The following ADCY5 variants were observed in gnomAD, a reference collection of about 807,000 sequenced individuals.
ADCY5 encodes adenylate cyclase 5.
ADCY5 carries 30 observed loss-of-function variants against 119.7 expected under a neutral mutation model. That is an observed-to-expected ratio of 0.25 (90% CI 0.19 to 0.34). The LOEUF (loss-of-function observed/expected upper bound fraction) is 0.34. Among genes scored for constraint, ADCY5 ranks in the 10% least tolerant of loss-of-function variants. The pLI, the probability that ADCY5 is intolerant of heterozygous loss-of-function variation, is 1.00. For missense variants in ADCY5, 1,324 were observed against 1,775.2 expected, an observed-to-expected ratio of 0.75 and a Z score of 4.57; for synonymous variants, 753 against 762.2, an observed-to-expected ratio of 0.99 and a Z score of 0.20.
chr3:123,381,413 A>G (rs1944025741), intron 1 of ADCY5, among the ~76,000 whole-genome samples: 1 of 152,230 alleles, frequency 6.6e-6, no homozygotes, highest in Admixed American at 6.5e-5. Context: ...CTCTCCCCAA[A>G]GACGTGGCTG....
At chr3:123,315,916 C>T (rs1169010268) in intron 11 of ADCY5, among the ~76,000 whole-genome samples, 1 of 152,106 alleles carries the variant, frequency 6.6e-6, no homozygotes, top group Non-Finnish European at 1.5e-5. Flanking sequence ...TGTGCGTCCA[C>T]ATCAGTACAG....
intron 8 of ADCY5, 119 bp from the exon 9 acceptor site, chr3:123,320,890 G>T: frequency 1.4e-6 from 1 of 736,816 alleles, no homozygotes; most frequent in Non-Finnish European, 2.4e-6. Context: ...CGTGGACATA[G>T]AGAGGATTGT....
At chr3:123,324,156 C>T (rs4678007) in intron 8 of ADCY5, among the ~76,000 whole-genome samples, 151,898 of 152,236 alleles carry the variant, frequency 1, 75,783 homozygotes, top group Middle Eastern at 1. Context: ...AATTCACTTT[C>T]CCTCCTGTAC....
chr3:123,435,440 G>A (rs1945591482), intron 1 of ADCY5, among the ~76,000 whole-genome samples: 1 of 152,162 alleles, frequency 6.6e-6, no homozygotes, highest in Non-Finnish European at 1.5e-5. Flanking sequence ...GGTCCCTGCA[G>A]ACTCCAGTAG....
chr3:123,382,403 A>T, intron 1 of ADCY5, among the ~76,000 whole-genome samples: 1 of 151,790 alleles, frequency 6.6e-6, no homozygotes, highest in East Asian at 1.9e-4. Context: ...TAGGATTCAG[A>T]AAGTCCACTT....
chr3:123,414,241 C>A (rs934975712), intron 1 of ADCY5, among the ~76,000 whole-genome samples: 1 of 152,210 alleles, frequency 6.6e-6, no homozygotes, highest in Non-Finnish European at 1.5e-5. Context: ...CTGCCAGCCC[C>A]TCTACACTCA....
In ADCY5 at chr3:123,386,130, G is replaced by C. The variant is rs568431514; in HGVS notation, c.1135-33549C>G. On this transcript the variant is annotated intron_variant, in intron 1 of 20. Coordinates refer to ENST00000462833, the MANE Select transcript of ADCY5 (RefSeq NM_183357.3). ...CCAGGCCAGGAGGAGGTCAGGAAAG[G>C]CTCAAAGGCATGAATGAGCCCGAAG... Among the ~76,000 whole-genome samples the C allele has an allele frequency of 1.5e-4, 23 of 152,304 alleles. No homozygotes were observed. In the South Asian group the frequency reaches 4.6e-3, roughly 30 times the overall value.
intron 1 of ADCY5, among the ~76,000 whole-genome samples, chr3:123,447,064 G>C (rs1945829424): frequency 6.6e-6 from 1 of 152,208 alleles, no homozygotes; most frequent in Non-Finnish European, 1.5e-5. Flanking sequence ...ACTTTCGTTA[G>C]GGGCCTTTTG....
intron 1 of ADCY5, among the ~76,000 whole-genome samples, chr3:123,365,569 C>T (rs1943407123): frequency 2.6e-5 from 4 of 152,136 alleles, no homozygotes; most frequent in South Asian, 2.1e-4. Flanking sequence ...AAGAGAGCTT[C>T]GGTTCCTAAT....
intron 1 of ADCY5, among the ~76,000 whole-genome samples, chr3:123,375,214 C>T (rs1232221550): frequency 1.3e-5 from 2 of 152,196 alleles, no homozygotes; most frequent in African/African-American, 2.4e-5. Context: ...ACGTGGAGGA[C>T]TCATTTATCT....
chr3:123,413,964 G>A (rs1361353612), intron 1 of ADCY5, among the ~76,000 whole-genome samples: 3 of 152,264 alleles, frequency 2.0e-5, no homozygotes, highest in Non-Finnish European at 4.4e-5. Flanking sequence ...CAGATGGGAC[G>A]ATGCAGAAAG....
chr3:123,288,391 T>C (rs1358571505), intron 19 of ADCY5, among the ~76,000 whole-genome samples: 1 of 152,220 alleles, frequency 6.6e-6, no homozygotes, highest in Non-Finnish European at 1.5e-5. Flanking sequence ...AGGGAGTTGA[T>C]AATGCATTAA....
intron 1 of ADCY5, among the ~76,000 whole-genome samples, chr3:123,385,205 CCT>C (rs1182176030): frequency 6.6e-6 from 1 of 152,122 alleles, no homozygotes; most frequent in African/African-American, 2.4e-5. Context: ...CAGAGGCCAC[CCT>C]GGAGCCAGAA....
In ADCY5 at chr3:123,413,541, T is replaced by C. The variant is rs185312062; in HGVS notation, c.1134+33871A>G. 2.4e-3 allele frequency among the ~76,000 whole-genome samples: 362 copies of C among 152,290 alleles called. 2 individuals carry two copies. The highest frequency in any genetic ancestry group is 4.4e-3 in the East Asian group (23 of 5,174). On this transcript the variant is annotated intron_variant, in intron 1 of 20. Coordinates refer to ENST00000462833, the MANE Select transcript of ADCY5 (RefSeq NM_183357.3). ...GAGGCCAGGTCAGGGGAGGATTCCGTATCCAGAGCTGCATAGGATCCCAGC... is the reference window on the plus strand; with the variant it reads ...GAGGCCAGGTCAGGGGAGGATTCCGCATCCAGAGCTGCATAGGATCCCAGC...
chr3:123,420,737 T>A (rs1217540811), intron 1 of ADCY5, among the ~76,000 whole-genome samples: 1 of 152,200 alleles, frequency 6.6e-6, no homozygotes, highest in African/African-American at 2.4e-5. Flanking sequence ...ACTAGTCTGC[T>A]AGGGCTACTG....
chr3:123,436,285 A>C (rs765485607), intron 1 of ADCY5, among the ~76,000 whole-genome samples: 35 of 152,006 alleles, frequency 2.3e-4, no homozygotes, highest in Non-Finnish European at 2.6e-4. Context: ...AGGTGGGAGG[A>C]TTGCTTGAGC....
At chr3:123,334,153 G>A (rs1019864745) in intron 3 of ADCY5, among the ~76,000 whole-genome samples, 1 of 152,184 alleles carries the variant, frequency 6.6e-6, no homozygotes, top group Admixed American at 6.5e-5. Context: ...CTCATGTACT[G>A]AGATGCTCCT....
At chr3:123,443,955 C>G (rs561851793) in intron 1 of ADCY5, among the ~76,000 whole-genome samples, 2 of 152,190 alleles carry the variant, frequency 1.3e-5, no homozygotes, top group African/African-American at 4.8e-5. Flanking sequence ...AAATGACCAC[C>G]CCACCCCACA....
chr3:123,434,770 T>C (rs958363368), intron 1 of ADCY5, among the ~76,000 whole-genome samples: 2 of 152,104 alleles, frequency 1.3e-5, no homozygotes, highest in African/African-American at 2.4e-5. Context: ...GCACCCAGGA[T>C]AAGAAATCTC....
Sources: gnomAD v4.1 joint callset for allele counts (sites outside exome capture counted in the v4.1 genomes callset) on GRCh38, gnomAD v4.1.1 for gene constraint, MANE v1.5 for transcripts, NCBI Gene and HGNC (gene_info 2026-07-23, HGNC 2026-07-21) for gene names.